The following DNAH11 variants were observed in gnomAD, a reference collection of about 807,000 sequenced individuals.
DNAH11 encodes dynein axonemal heavy chain 11, also known as axonemal beta dynein heavy chain 11.
In DNAH11, 442 loss-of-function variants were observed where a neutral mutation model predicts 526.0. The observed-to-expected ratio is 0.84, with a 90% CI of 0.78 to 0.91. The LOEUF is 0.91. DNAH11 is among the 40% of genes least tolerant of loss of function. The pLI, the probability that DNAH11 is intolerant of heterozygous loss-of-function variation, is 0.00. For missense variants in DNAH11, 6,989 were observed against 5,448.7 expected (o/e 1.28, Z -8.90); for synonymous variants, 2,461 against 1,935.9 (o/e 1.27, Z -7.12).
At chr7:21,888,458 T>G (rs2081322093) in intron 76 of DNAH11, among the ~76,000 whole-genome samples, 2 of 152,248 alleles carry the variant, frequency 1.3e-5, no homozygotes, top group South Asian at 4.2e-4. Context: ...TAACTGTGCC[T>G]GCCCCTGATT....
intron 6 of DNAH11, among the ~76,000 whole-genome samples, chr7:21,567,995 C>T (rs923855277): frequency 6.6e-6 from 1 of 152,058 alleles, no homozygotes; most frequent in African/African-American, 2.4e-5. Flanking sequence ...GATATTGTCA[C>T]CTACAAGATC....
In DNAH11 at chr7:21,591,295, G is replaced by C; in HGVS notation, c.2385G>C (p.Gln795His). 6.2e-7 allele frequency: 1 copy of C among 1,613,734 alleles called. No individual in the cohort carries two copies. Among genetic ancestry groups the C allele is most frequent in the Non-Finnish European group, 8.5e-7 (1 of 1,179,722 alleles). The change falls in exon 14 of 82, where the codon CAG becomes CAC. Residue 795 changes from glutamine to histidine, a missense_variant. Gln to His is a conservative substitution (Grantham distance 24). Coordinates refer to ENST00000409508, the MANE Select transcript of DNAH11 (RefSeq NM_001277115.2). ...ATGAGCTGAGGGCTATTGACGAGCA[G>C]CTGACAGCAGCCACAACGTGGCTGA... is the stretch of plus-strand genomic sequence containing the variant. Reference protein sequence around the residue: ...IEDELRAIDEQLTAATTWLTW... With the variant: ...IEDELRAIDEHLTAATTWLTW...
intron 36 of DNAH11, among the ~76,000 whole-genome samples, chr7:21,701,698 G>A (rs58252835): frequency 0.026 from 3,913 of 152,276 alleles, 201 homozygotes; most frequent in East Asian, 0.21. Flanking sequence ...TTATCCACTA[G>A]TGGAGTAAAT....
rs764221599 is a variant in DNAH11 at position 21,901,238 on chromosome 7, T to TGCTTCTAGAAGCG, written c.13536_13548dup (p.Ter4517AlafsTer7). 5 of 1,607,480 alleles carry TGCTTCTAGAAGCG rather than the reference T, an allele frequency of 3.1e-6. No individual in the cohort carries two copies. The highest frequency in any genetic ancestry group is 4.2e-6 in the Non-Finnish European group (5 of 1,176,886). ...AAATGGGTTCTGGCTGGAGTGGCTC[T>TGCTTCTAGAAGCG]GCTTCTAGAAGCGTAAGGTAACACT... On this transcript the variant is annotated frameshift_variant, in exon 82 of 82. Transcript: ENST00000409508. LOFTEE classifies it high-confidence loss of function.
At chr7:21,633,625 A>C (rs1236635048) in intron 25 of DNAH11, among the ~76,000 whole-genome samples, 1 of 152,198 alleles carries the variant, frequency 6.6e-6, no homozygotes, top group Non-Finnish European at 1.5e-5. Flanking sequence ...TCCAGGTATG[A>C]TACCATTTGT....
intron 66 of DNAH11, chr7:21,851,461 C>A (rs1182111332): frequency 2.2e-6 from 1 of 449,800 alleles, no homozygotes; most frequent in Non-Finnish European, 4.6e-6. Context: ...TAGGCACTGG[C>A]CAAGTAGTTT....
Position 21,874,091 on chromosome 7 carries a change from G to A in DNAH11, c.12195+590G>A, listed in dbSNP as rs116085854. On this transcript the variant is annotated intron_variant, in intron 74 of 81. Transcript: ENST00000409508. ...CAGACATGAGCCACCGCGCCTGGCC[G>A]GAACTTGCTTCTTGAAAACAAATGT... Among the ~76,000 whole-genome samples, 926 of 151,492 alleles carry A rather than the reference G, an allele frequency of 6.1e-3. 9 individuals carry two copies. Among genetic ancestry groups the A allele is most frequent in the African/African-American group, 0.021 (869 of 41,286 alleles).
chr7:21,778,506 A>G (rs535008634), intron 56 of DNAH11, among the ~76,000 whole-genome samples: 4 of 152,304 alleles, frequency 2.6e-5, no homozygotes, highest in African/African-American at 9.6e-5. Flanking sequence ...GCAGTCAGGC[A>G]AGGAGCATTC....
intron 28 of DNAH11, 67 bp from the exon 29 acceptor site, chr7:21,655,765 T>C: frequency 6.7e-7 from 1 of 1,483,652 alleles, no homozygotes; most frequent in African/African-American, 1.4e-5. Flanking sequence ...TATGGCATCA[T>C]CTCTAGATTA....
chr7:21,579,020 G>T (rs1295422100), intron 8 of DNAH11, among the ~76,000 whole-genome samples: 1 of 152,140 alleles, frequency 6.6e-6, no homozygotes, highest in Non-Finnish European at 1.5e-5. Context: ...TGCCTTGAAA[G>T]TATTTCCAGG....
At chr7:21,817,658 A>C (rs546801037) in intron 64 of DNAH11, among the ~76,000 whole-genome samples, 2 of 152,002 alleles carry the variant, frequency 1.3e-5, no homozygotes, top group South Asian at 4.2e-4. Context: ...ATGCCACTGC[A>C]CTCCAGCCTG....
At chr7:21,752,958 G>A (rs920152154) in intron 54 of DNAH11, among the ~76,000 whole-genome samples, 2 of 152,050 alleles carry the variant, frequency 1.3e-5, no homozygotes, top group Admixed American at 6.6e-5. Context: ...ATGTCCACCC[G>A]CCTTGGCCTC....
At position 21,738,750 on chromosome 7, in the gene DNAH11, T is replaced by C; in HGVS notation, c.7695T>C (p.Pro2565=). ...AAAAAGCTGGTCATAACTATGGTCC[T>C]GGAGGAAATAAAAAATTGATTTATT... ...LEKKAGHNYG[P]GGNKKLIYFI... Residue 2565 remains proline, a synonymous_variant, in exon 47 of 82, where the codon CCT becomes CCC. Coordinates refer to ENST00000409508, the MANE Select transcript of DNAH11 (RefSeq NM_001277115.2). 6.3e-7 allele frequency: 1 copy of C among 1,587,786 alleles called. No individual in the cohort carries two copies. Among genetic ancestry groups the C allele is most frequent in the Non-Finnish European group, 8.6e-7 (1 of 1,166,262 alleles).
Position 21,807,904 on chromosome 7 carries a change from C to G in DNAH11, c.10187C>G (p.Ser3396Cys), listed in dbSNP as rs1174801770. The change falls in exon 63 of 82, where the codon TCC becomes TGC. Residue 3396 changes from serine (S) to cysteine (C), a missense_variant. By Grantham distance (112) the Ser-to-Cys change is moderately radical. Coordinates refer to ENST00000409508, the MANE Select transcript of DNAH11 (RefSeq NM_001277115.2). ...TCAGAGAAGATTCGCTGGGGTCAAT[C>G]CATTAAGTCCTTTGAAGCTCAAGAG... ...LEAKKIRWGQ[S>C]IKSFEAQEKT... The G allele has an allele frequency of 6.2e-7, 1 of 1,602,278 alleles. No individual in the cohort carries two copies. Among genetic ancestry groups the G allele is most frequent in the Non-Finnish European group, 8.5e-7 (1 of 1,171,218 alleles).
chr7:21,620,770 T>A (rs1421520711), intron 25 of DNAH11, among the ~76,000 whole-genome samples: 19 of 135,250 alleles, frequency 1.4e-4, no homozygotes, highest in Admixed American at 1.2e-3. Context: ...TGTGTCCATG[T>A]GTTCTCATTG....
intron 74 of DNAH11, among the ~76,000 whole-genome samples, chr7:21,875,293 G>A (rs75984227): frequency 0.039 from 5,901 of 152,082 alleles, 394 homozygotes; most frequent in African/African-American, 0.13. Context: ...CATACAAAGA[G>A]GAATTTGATT....
At chr7:21,740,461 C>T (rs1472483990) in intron 48 of DNAH11, among the ~76,000 whole-genome samples, 5 of 152,132 alleles carry the variant, frequency 3.3e-5, no homozygotes, top group South Asian at 2.1e-4. Context: ...ACCTCATATA[C>T]GTGGAATTAT....
chr7:21,876,707 G>A (rs1457403152), intron 74 of DNAH11, among the ~76,000 whole-genome samples: 1 of 151,972 alleles, frequency 6.6e-6, no homozygotes, highest in Admixed American at 6.5e-5. Context: ...AGGAGTTGCA[G>A]CCCCCATATC....
rs1162724673 is a variant in DNAH11, at chr7:21,744,534, A to G, written c.8251A>G (p.Ile2751Val). ...ESARVYGDKL[I>V]DKKDCDLFQR... ...TGCCCGTGTTTATGGAGACAAACTG[A>G]TAGACAAAAAAGATTGTGATTTGTT... Residue 2751 changes from isoleucine to valine, a missense_variant, in exon 50 of 82, where the codon ATA (isoleucine) becomes GTA (valine). Coordinates refer to ENST00000409508, the MANE Select transcript of DNAH11 (RefSeq NM_001277115.2). 1 of 1,613,644 alleles carries G rather than the reference A, an allele frequency of 6.2e-7. No individual in the cohort carries two copies. The highest frequency in any genetic ancestry group is 8.5e-7 in the Non-Finnish European group (1 of 1,179,802).
Sources: gnomAD v4.1 joint callset for allele counts (sites outside exome capture counted in the v4.1 genomes callset) on GRCh38, gnomAD v4.1.1 for gene constraint, MANE v1.5 for transcripts, NCBI Gene and HGNC (gene_info 2026-07-23, HGNC 2026-07-21) for gene names.